The following FER variants were observed in gnomAD, a reference collection of about 807,000 sequenced individuals.
FER encodes FER tyrosine kinase, also known as tyrosine-protein kinase Fer.
Under a neutral mutation model 111.0 loss-of-function variants are expected in FER, and 63 were observed. The ratio of observed to expected loss-of-function variants is 0.57; its 90% CI spans 0.46 to 0.70. The LOEUF is 0.70. Among genes scored for constraint, FER ranks in the 30% least tolerant of loss-of-function variants. FER has a pLI of 0.00. For missense variants in FER, 914 were observed against 954.0 expected (o/e 0.96, Z 0.55); for synonymous variants, 327 against 313.9 (o/e 1.04, Z -0.44).
rs940360165 is a variant in FER, at chr5:108,835,409, TACTG to T, written c.382-296_382-293del. 1.8e-4 allele frequency among the ~76,000 whole-genome samples: 28 copies of T among 152,212 alleles called. 1 individual carries two copies. The highest frequency in any genetic ancestry group is 1.7e-3 in the Admixed American group (26 of 15,286). Reference sequence around the variant, plus strand: ...TGTGTTGGCCAGGCTGGTCATGAATTACTGACCCCAAGTGATCTGCTTGTTTTAG... The same window carrying T: ...TGTGTTGGCCAGGCTGGTCATGAATTACCCCAAGTGATCTGCTTGTTTTAG... On this transcript the variant is annotated intron_variant, in intron 4 of 19. Transcript: ENST00000281092.
chr5:109,178,169 G>C (rs1757908314), intron 17 of FER, among the ~76,000 whole-genome samples: 1 of 152,216 alleles, frequency 6.6e-6, no homozygotes, highest in Admixed American at 6.5e-5. Flanking sequence ...TGAGTATGCA[G>C]TGCCTGCTTA....
intron 10 of FER, among the ~76,000 whole-genome samples, chr5:108,922,175 G>T (rs924693798): frequency 6.6e-6 from 1 of 152,200 alleles, no homozygotes; most frequent in South Asian, 2.1e-4. Context: ...TTTGGAGGGA[G>T]CATGGCCTTG....
intron 13 of FER, among the ~76,000 whole-genome samples, chr5:108,963,845 T>C (rs978431367): frequency 2.6e-5 from 4 of 152,224 alleles, no homozygotes; most frequent in African/African-American, 7.2e-5. Context: ...CTTTAAGCGC[T>C]GTTTACATTG....
intron 17 of FER, among the ~76,000 whole-genome samples, chr5:109,157,949 A>G (rs954752830): frequency 4.6e-5 from 7 of 152,154 alleles, no homozygotes; most frequent in African/African-American, 1.4e-4. Flanking sequence ...GAATATTGCT[A>G]TGGTATCATA....
Position 109,004,885 on chromosome 5 carries a change from T to C in FER, c.1657-32537T>C, listed in dbSNP as rs1177620276. Among the ~76,000 whole-genome samples, 4 of 152,278 alleles carry C rather than the reference T, an allele frequency of 2.6e-5. No individual in the cohort carries two copies. In the East Asian group the frequency reaches 7.7e-4, roughly 29 times the overall value. ...TATATATTTATTAATAAGTATCATA[T>C]TACCAAATGGTTCAAATGAAGAGTT... On this transcript the variant is annotated intron_variant, in intron 13 of 19. Coordinates refer to ENST00000281092, the MANE Select transcript of FER (RefSeq NM_005246.4).
At chr5:108,812,367 A>C (rs752779345) in intron 3 of FER, among the ~76,000 whole-genome samples, 1 of 152,170 alleles carries the variant, frequency 6.6e-6, no homozygotes, top group Non-Finnish European at 1.5e-5. Context: ...TGTGAAATGT[A>C]AGCTGTCTGA....
At chr5:108,791,270 G>A (rs971256744) in intron 2 of FER, among the ~76,000 whole-genome samples, 14 of 143,858 alleles carry the variant, frequency 9.7e-5, no homozygotes, top group African/African-American at 3.6e-4. Flanking sequence ...GCTAGCAAGG[G>A]ATGAAGATTC....
chr5:109,185,449 A>AGTTT (rs1276927757), intron 18 of FER, among the ~76,000 whole-genome samples: 2 of 152,214 alleles, frequency 1.3e-5, no homozygotes, highest in Non-Finnish European at 2.9e-5. Flanking sequence ...AATTGCTTTA[A>AGTTT]GTTTGTTTGT....
intron 10 of FER, among the ~76,000 whole-genome samples, chr5:108,899,641 CAA>C (rs78199924): frequency 7.2e-6 from 1 of 138,978 alleles, no homozygotes; most frequent in African/African-American, 2.6e-5. Flanking sequence ...TACTAAAATA[CAA>C]AAAAAAAAAA....
intron 17 of FER, among the ~76,000 whole-genome samples, chr5:109,146,779 G>T (rs76841993): frequency 0.11 from 17,119 of 151,954 alleles, 949 homozygotes; most frequent in Non-Finnish European, 0.12. Flanking sequence ...TTAATATGTT[G>T]CTCCATATGG....
chr5:109,064,757 T>G (rs1403307774), intron 16 of FER, among the ~76,000 whole-genome samples: 1 of 152,200 alleles, frequency 6.6e-6, no homozygotes, highest in African/African-American at 2.4e-5. Context: ...ATTCTGTTTT[T>G]TAAATGACTT....
chr5:108,918,495 T>C (rs1366062465), intron 10 of FER, among the ~76,000 whole-genome samples: 1 of 151,632 alleles, frequency 6.6e-6, no homozygotes, highest in Non-Finnish European at 1.5e-5. Flanking sequence ...TTTTTCTTTT[T>C]TTTTTTTTTG....
At chr5:109,105,230 T>TTGTG (rs72106747) in intron 17 of FER, among the ~76,000 whole-genome samples, 1,936 of 138,600 alleles carry the variant, frequency 0.014, 26 homozygotes, top group African/African-American at 0.027. Context: ...CAGCTTATAT[T>TTGTG]TGTGTGTGTG....
chr5:108,884,524 T>TTTTTG, intron 9 of FER, among the ~76,000 whole-genome samples: 1 of 139,958 alleles, frequency 7.1e-6, no homozygotes, highest in African/African-American at 2.8e-5. Context: ...TTTTTTTTTG[T>TTTTTG]TTGTTTGTTT....
chr5:109,172,804 T>C (rs1471984594), intron 17 of FER, among the ~76,000 whole-genome samples: 2 of 152,112 alleles, frequency 1.3e-5, no homozygotes, highest in Non-Finnish European at 2.9e-5. Context: ...GCCTGGAGAT[T>C]TGGTATTTCA....
chr5:109,020,859 T>A (rs892845404), intron 13 of FER, among the ~76,000 whole-genome samples: 1 of 152,050 alleles, frequency 6.6e-6, no homozygotes, highest in Non-Finnish European at 1.5e-5. Flanking sequence ...AGAGAAATAA[T>A]TATCTCAATC....
At chr5:109,099,508 T>C (rs111716529) in intron 16 of FER, among the ~76,000 whole-genome samples, 2 of 151,698 alleles carry the variant, frequency 1.3e-5, no homozygotes, top group East Asian at 3.9e-4. Flanking sequence ...AGATGAAATT[T>C]ACATCTAAAT....
intron 17 of FER, among the ~76,000 whole-genome samples, chr5:109,160,501 G>A (rs568622456): frequency 6.6e-6 from 1 of 152,146 alleles, no homozygotes. Flanking sequence ...GTAACTTGCT[G>A]TGCAAAATAC....
At chr5:109,029,468 C>T (rs1380133358) in intron 13 of FER, among the ~76,000 whole-genome samples, 1 of 136,666 alleles carries the variant, frequency 7.3e-6, no homozygotes, top group African/African-American at 2.7e-5. Flanking sequence ...GAAAGAGTCC[C>T]ACTTTGTTTC....
Sources: gnomAD v4.1 joint callset for allele counts (sites outside exome capture counted in the v4.1 genomes callset) on GRCh38, gnomAD v4.1.1 for gene constraint, MANE v1.5 for transcripts, NCBI Gene and HGNC (gene_info 2026-07-23, HGNC 2026-07-21) for gene names.